PTPRT: variants seen among roughly 807,000 people sequenced by gnomAD.
PTPRT encodes protein tyrosine phosphatase receptor type T.
A neutral mutation model predicts 176.8 loss-of-function variants in PTPRT; 56 were observed. That is an observed-to-expected ratio of 0.32 (90% CI 0.26 to 0.40). PTPRT has a LOEUF of 0.40. Ranked by LOEUF, PTPRT falls within the 10% of genes least tolerant of loss-of-function variation. The pLI, the probability that PTPRT is intolerant of heterozygous loss-of-function variation, is 1.00. For synonymous variants in PTPRT, 783 were observed against 739.0 expected (o/e 1.06, Z -0.96); for missense variants, 1,540 against 1,908.2 (o/e 0.81, Z 3.60).
rs192978951 is a variant in PTPRT at position 43,073,495 on chromosome 20, G to A, written c.88+116151C>T. On this transcript the variant is annotated intron_variant, in intron 1 of 30. Coordinates refer to ENST00000373187, the MANE Select transcript of PTPRT (RefSeq NM_007050.6). The stretch of plus-strand genomic sequence containing the variant: ...TATATATATATACACACACACACAC[G>A]TGTGCTATACACACGTGTGTATATA... Among the ~76,000 whole-genome samples, 665 of 116,540 alleles carry A rather than the reference G, an allele frequency of 5.7e-3. 7 individuals carry two copies. The highest frequency in any genetic ancestry group is 0.023 in the Middle Eastern group (5 of 220). 76.5% of individuals were successfully genotyped at this position (116,540 alleles called of 152,430 possible). A position where few individuals can be genotyped will look rare whatever the true frequency, so the allele number is the denominator to read the frequency against.
chr20:42,689,179 C>T (rs1001319802), intron 6 of PTPRT, among the ~76,000 whole-genome samples: 2 of 152,224 alleles, frequency 1.3e-5, no homozygotes, highest in African/African-American at 2.4e-5. Flanking sequence ...ACCTCCAATC[C>T]TGTCCCCATA....
chr20:42,797,731 T>A (rs990552723), intron 2 of PTPRT, among the ~76,000 whole-genome samples: 22 of 152,192 alleles, frequency 1.4e-4, no homozygotes, highest in Admixed American at 1.4e-3. Context: ...ATTTTCCAGC[T>A]GAGCACAATG....
chr20:42,342,636 C>G (rs754889375), intron 11 of PTPRT, among the ~76,000 whole-genome samples: 1 of 152,204 alleles, frequency 6.6e-6, no homozygotes, highest in East Asian at 1.9e-4. Context: ...TCTAAATGTT[C>G]GTTTCTCTTT....
At chr20:42,309,559 T>A (rs955430112) in intron 12 of PTPRT, among the ~76,000 whole-genome samples, 3 of 152,196 alleles carry the variant, frequency 2.0e-5, no homozygotes, top group African/African-American at 7.2e-5. Context: ...CTACGCTGAA[T>A]GGAAATTCAG....
chr20:42,780,910 C>T (rs2077204958), intron 3 of PTPRT, among the ~76,000 whole-genome samples: 1 of 152,132 alleles, frequency 6.6e-6, no homozygotes, highest in South Asian at 2.1e-4. Flanking sequence ...ATCACTCAAC[C>T]TCTATCTTCA....
At chr20:42,852,014 T>C (rs146904928) in intron 2 of PTPRT, among the ~76,000 whole-genome samples, 1 of 152,354 alleles carries the variant, frequency 6.6e-6, no homozygotes, top group Non-Finnish European at 1.5e-5. Context: ...TCTTATTTTG[T>C]ATTCTGTTTC....
Position 42,161,558 on chromosome 20 carries a change from G to A in PTPRT, c.2492-16C>T. 6.3e-7 allele frequency: 1 copy of A among 1,586,818 alleles called. No individual in the cohort carries two copies. The highest frequency in any genetic ancestry group is 8.6e-7 in the Non-Finnish European group (1 of 1,167,252). On this transcript the variant is annotated splice_polypyrimidine_tract_variant and intron_variant, in intron 16 of 30. Coordinates refer to ENST00000373187, the MANE Select transcript of PTPRT (RefSeq NM_007050.6). ...CTGCCATCTGCTTCGAAAAGAAGGA[G>A]GCAGAACAGATCATCACCTATAGAA...
chr20:42,197,376 C>CAAAAAA (rs3086756), intron 16 of PTPRT, among the ~76,000 whole-genome samples: 97 of 33,228 alleles, frequency 2.9e-3, no homozygotes, highest in East Asian at 3.5e-3. Flanking sequence ...GAGACTCCAT[C>CAAAAAA]AAAAAAAAAA....
chr20:43,176,351 T>C lies in PTPRT; in HGVS notation c.88+13295A>G, dbSNP rs6016971. On this transcript the variant is annotated intron_variant, in intron 1 of 30. Coordinates refer to ENST00000373187, the MANE Select transcript of PTPRT (RefSeq NM_007050.6). ...AACAGATCAAGACCCTGAGATATGATTGCACAGCAGCACAATCATAGCTCA... is the reference window on the plus strand; with the variant it reads ...AACAGATCAAGACCCTGAGATATGACTGCACAGCAGCACAATCATAGCTCA... 4.3e-3 allele frequency among the ~76,000 whole-genome samples: 653 copies of C among 152,376 alleles called. 11 individuals carry two copies. The highest frequency in any genetic ancestry group is 0.015 in the African/African-American group (624 of 41,590).
intron 7 of PTPRT, among the ~76,000 whole-genome samples, chr20:42,524,332 T>G (rs180732422): frequency 6.6e-6 from 1 of 152,214 alleles, no homozygotes; most frequent in South Asian, 2.1e-4. Flanking sequence ...GACTTTCCTA[T>G]GAGATTTTAT....
At chr20:42,714,924 A>G (rs926833453) in intron 6 of PTPRT, among the ~76,000 whole-genome samples, 21 of 152,188 alleles carry the variant, frequency 1.4e-4, no homozygotes, top group African/African-American at 4.1e-4. Context: ...TAAGGTCTAG[A>G]AAAGAGTGGT....
chr20:42,607,174 AC>A (rs1424504518), intron 7 of PTPRT, among the ~76,000 whole-genome samples: 1 of 149,986 alleles, frequency 6.7e-6, no homozygotes, highest in Non-Finnish European at 1.5e-5. Context: ...AATGGTGGCT[AC>A]CAGGGGGTGG....
intron 1 of PTPRT, among the ~76,000 whole-genome samples, chr20:43,065,706 G>T (rs755741680): frequency 2.6e-5 from 4 of 152,212 alleles, no homozygotes; most frequent in Non-Finnish European, 4.4e-5. Context: ...GTGAGAGCAA[G>T]TTATCTGAAA....
At chr20:42,033,968 A>G in the PTPRT span, among the ~76,000 whole-genome samples, 1 of 152,290 alleles carries the variant, frequency 6.6e-6, no homozygotes, top group Admixed American at 6.5e-5. Flanking sequence ...CTAATCCATA[A>G]CAGATACGTA....
intron 13 of PTPRT, among the ~76,000 whole-genome samples, chr20:42,273,889 C>G (rs2147014470): frequency 6.6e-6 from 1 of 152,318 alleles, no homozygotes; most frequent in Non-Finnish European, 1.5e-5. Flanking sequence ...GGAGGTACCT[C>G]CCCACTCCAT....
chr20:42,337,943 T>G (rs1472390209), intron 11 of PTPRT, among the ~76,000 whole-genome samples: 2 of 152,166 alleles, frequency 1.3e-5, no homozygotes, highest in Non-Finnish European at 2.9e-5. Flanking sequence ...ACCTCCTTCC[T>G]AAGCTCCCTT....
chr20:42,199,385 CT>C lies in PTPRT; in HGVS notation c.2345del (p.Lys782SerfsTer77). 6.2e-7 allele frequency: 1 copy of C among 1,613,610 alleles called. No individual in the cohort carries two copies. The highest frequency in any genetic ancestry group is 8.5e-7 in the Non-Finnish European group (1 of 1,179,810). The part of the protein sequence containing the change: ...RNAYSYSYYL[K>X]LAKKQKETQS... ...GGGTCTCCTTCTGCTTCTTGGCCAG[CT>C]TCCTTTGGGACATGTGCAAGGGGAA... On this transcript the variant is annotated frameshift_variant and splice_region_variant, in exon 16 of 31. Transcript: ENST00000373187. LOFTEE classifies it high-confidence loss of function.
chr20:42,796,026 G>T (rs2145568374), intron 2 of PTPRT, among the ~76,000 whole-genome samples: 1 of 152,294 alleles, frequency 6.6e-6, no homozygotes, highest in African/African-American at 2.4e-5. Context: ...ACCCTAATGA[G>T]GTGGTGCCAT....
At position 43,173,726 on chromosome 20, in the gene PTPRT, A is replaced by G. The variant is rs117135752; in HGVS notation, c.88+15920T>C. Among the ~76,000 whole-genome samples the G allele has an allele frequency of 7.7e-3, 1,169 of 152,340 alleles. 3 individuals are homozygous for G. Among genetic ancestry groups the G allele is most frequent in the Non-Finnish European group, 0.011 (765 of 68,024 alleles). On this transcript the variant is annotated intron_variant, in intron 1 of 30. Coordinates refer to ENST00000373187, the MANE Select transcript of PTPRT (RefSeq NM_007050.6). ...CAGGGGCAGCTATATCTAGGGGCTC[A>G]ACCTCTGTTCCAGGACAGGTGAGGG...
Sources: gnomAD v4.1 joint callset for allele counts (sites outside exome capture counted in the v4.1 genomes callset) on GRCh38, gnomAD v4.1.1 for gene constraint, MANE v1.5 for transcripts, NCBI Gene and HGNC (gene_info 2026-07-23, HGNC 2026-07-21) for gene names.